The following RSF1 variants were observed in gnomAD, a reference collection of about 807,000 sequenced individuals.
RSF1 encodes remodeling and spacing factor 1.
RSF1 carries 13 observed loss-of-function variants against 145.2 expected under a neutral mutation model. The ratio of observed to expected loss-of-function variants is 0.09; its 90% CI spans 0.06 to 0.14. RSF1 has a LOEUF of 0.14. Ranked by LOEUF, RSF1 falls within the 10% of genes least tolerant of loss-of-function variation. RSF1 has a pLI of 1.00. For missense variants in RSF1, 1,517 were observed against 1,718.2 expected, an observed-to-expected ratio of 0.88 and a Z score of 2.07; for synonymous variants, 577 against 592.6, an observed-to-expected ratio of 0.97 and a Z score of 0.38.
chr11:77,683,792 C>T lies in RSF1; in HGVS notation c.2983G>A (p.Glu995Lys). Residue 995 changes from glutamate (E) to lysine (K), a missense_variant, in exon 11 of 16, where the codon GAA becomes AAA. Physicochemically the swap from Glu to Lys is moderately conservative, Grantham distance 56. Transcript: ENST00000308488. ...GATTTTTTTGAATCTTTTTTCTTTT[C>T]TTCTTGATCTTCAGAAAAGTCTGGC... The part of the protein sequence containing the change: ...QEPDFSEDQE[E>K]KKKDSKKSKA... The T allele has an allele frequency of 6.2e-7, 1 of 1,611,784 alleles. No individual in the cohort carries two copies. Among genetic ancestry groups the T allele is most frequent in the South Asian group, 1.1e-5 (1 of 91,048 alleles).
chr11:77,719,019 G>A lies in RSF1; in HGVS notation c.733+6526C>T, dbSNP rs182512359. 7.2e-5 allele frequency among the ~76,000 whole-genome samples: 11 copies of A among 152,230 alleles called. No homozygotes were observed. The East Asian group carries it at 2.1e-3, about 29-fold the overall frequency. Reference sequence around the variant, plus strand: ...ATCTTAACATGTTGGGAGATGGGGGGGAGGATTGCCTGAGGCCAGGAGTTT... The same window carrying A: ...ATCTTAACATGTTGGGAGATGGGGGAGAGGATTGCCTGAGGCCAGGAGTTT... On this transcript the variant is annotated intron_variant, in intron 5 of 15. Coordinates refer to ENST00000308488, the MANE Select transcript of RSF1 (RefSeq NM_016578.4).
At chr11:77,675,300 G>C (rs1157006218) in intron 13 of RSF1, 44 bp from the exon 14 acceptor site, 3 of 1,502,500 alleles carry the variant, frequency 2.0e-6, no homozygotes, top group South Asian at 1.3e-5. Flanking sequence ...ATTTAGAAGA[G>C]TGAACCCATT....
chr11:77,787,103 C>T (rs951658079), intron 1 of RSF1, among the ~76,000 whole-genome samples: 2 of 152,060 alleles, frequency 1.3e-5, no homozygotes, highest in Admixed American at 6.6e-5. Context: ...GAGTCTTTAG[C>T]AAAGGACTGA....
chr11:77,764,994 A>T (rs1003476896), intron 1 of RSF1, among the ~76,000 whole-genome samples: 2 of 152,198 alleles, frequency 1.3e-5, no homozygotes, highest in Non-Finnish European at 2.9e-5. Context: ...AGGTTCATCA[A>T]TTATAAGAAA....
intron 1 of RSF1, among the ~76,000 whole-genome samples, chr11:77,787,833 T>TAAAAAAAAAAAAAAAAAAAAAAAAAA (rs57568918): frequency 7.7e-6 from 1 of 129,494 alleles, no homozygotes; most frequent in Non-Finnish European, 1.6e-5. Flanking sequence ...TTCAGAACAG[T>TAAAAAAAAAAAAAAAAAAAAAAAAAA]AAAAAAAAAA....
chr11:77,708,418 A>C, intron 5 of RSF1, among the ~76,000 whole-genome samples: 1 of 152,150 alleles, frequency 6.6e-6, no homozygotes, highest in Non-Finnish European at 1.5e-5. Flanking sequence ...CAACAAAGTG[A>C]AACTCTGTCC....
intron 4 of RSF1, among the ~76,000 whole-genome samples, chr11:77,732,095 A>G (rs1399696735): frequency 6.6e-6 from 1 of 152,228 alleles, no homozygotes; most frequent in African/African-American, 2.4e-5. Flanking sequence ...GGGAGGCTGT[A>G]CAGGGGCGCA....
the RSF1 span, among the ~76,000 whole-genome samples, chr11:77,844,974 C>T: frequency 1.3e-5 from 2 of 152,130 alleles, no homozygotes; most frequent in African/African-American, 4.8e-5. Context: ...GATAAATCAA[C>T]CATTAGCATT....
chr11:77,750,037 T>C (rs1425634009), intron 2 of RSF1, among the ~76,000 whole-genome samples: 2 of 152,036 alleles, frequency 1.3e-5, no homozygotes, highest in Non-Finnish European at 2.9e-5. Flanking sequence ...GTGAGCCACA[T>C]GCCCGGCCCA....
At chr11:77,740,141 C>T (rs1354767182) in intron 4 of RSF1, among the ~76,000 whole-genome samples, 1 of 151,998 alleles carries the variant, frequency 6.6e-6, no homozygotes, top group African/African-American at 2.4e-5. Flanking sequence ...TTTGGGAGGC[C>T]GAGGCGGGTA....
intron 9 of RSF1, among the ~76,000 whole-genome samples, chr11:77,688,893 G>A (rs903840734): frequency 1.7e-4 from 26 of 152,212 alleles, no homozygotes; most frequent in African/African-American, 6.0e-4. Context: ...AAACTGGGTA[G>A]TAAAAAAAAC....
At chr11:77,715,379 ATGT>A (rs201597693) in intron 5 of RSF1, among the ~76,000 whole-genome samples, 1,790 of 152,314 alleles carry the variant, frequency 0.012, 29 homozygotes, top group African/African-American at 0.04. Context: ...AGATATCATA[ATGT>A]TGTAACAATA....
At chr11:77,869,694 C>T in the RSF1 span, 2 of 1,598,732 alleles carry the variant, frequency 1.3e-6, no homozygotes, top group Middle Eastern at 1.6e-4. Flanking sequence ...AGAGCAGGTA[C>T]CTGTCTACTT....
intron 1 of RSF1, among the ~76,000 whole-genome samples, chr11:77,795,409 A>T (rs1393583022): frequency 6.6e-6 from 1 of 152,334 alleles, no homozygotes; most frequent in South Asian, 2.1e-4. Context: ...GAGCAAAAGG[A>T]TCCAAACAGA....
intron 5 of RSF1, among the ~76,000 whole-genome samples, chr11:77,724,490 T>C (rs1015973187): frequency 2.0e-5 from 3 of 152,186 alleles, no homozygotes; most frequent in Admixed American, 6.5e-5. Flanking sequence ...GATGGATGAA[T>C]TGATAAACAA....
intron 2 of RSF1, among the ~76,000 whole-genome samples, chr11:77,748,042 A>G (rs1187169623): frequency 6.6e-6 from 1 of 152,098 alleles, no homozygotes; most frequent in African/African-American, 2.4e-5. Context: ...GGAATGGGGT[A>G]GACAGGAGAA....
intron 1 of RSF1, among the ~76,000 whole-genome samples, chr11:77,803,388 T>G (rs113217620): frequency 0.13 from 19,712 of 151,274 alleles, 1,483 homozygotes; most frequent in Admixed American, 0.2. Flanking sequence ...CTCAAGCGAT[T>G]CACCCACCTC....
intron 1 of RSF1, among the ~76,000 whole-genome samples, chr11:77,781,171 G>A (rs1948399992): frequency 6.6e-6 from 1 of 152,030 alleles, no homozygotes; most frequent in Non-Finnish European, 1.5e-5. Flanking sequence ...CTCGATTTCG[G>A]CTCATTGCAA....
chr11:77,705,929 C>T (rs546932507), intron 5 of RSF1, among the ~76,000 whole-genome samples: 1 of 151,990 alleles, frequency 6.6e-6, no homozygotes, highest in African/African-American at 2.4e-5. Context: ...GTTGGATATA[C>T]AAGTGTTTTA....
Sources: allele counts gnomAD v4.1 joint callset (sites outside exome capture counted in the v4.1 genomes callset), GRCh38; gene constraint gnomAD v4.1.1; transcripts MANE v1.5; gene names NCBI Gene and HGNC (gene_info 2026-07-23, HGNC 2026-07-21).